GPBP1: variants seen among roughly 807,000 people sequenced by gnomAD.
The protein encoded by GPBP1 is vasculin.
A neutral mutation model predicts 56.5 loss-of-function variants in GPBP1; 13 were observed. The observed-to-expected ratio is 0.23, with a 90% CI of 0.15 to 0.37. The LOEUF (loss-of-function observed/expected upper bound fraction) is 0.37, where lower values mean the gene tolerates loss of function less well. GPBP1 is among the 10% of genes least tolerant of loss of function. GPBP1 has a pLI of 1.00. For synonymous variants in GPBP1, 204 were observed against 188.9 expected (o/e 1.08, Z -0.66); for missense variants, 477 against 572.3 (o/e 0.83, Z 1.70).
Position 57,182,264 on chromosome 5 carries a change from A to G in GPBP1, c.-58+5864A>G, listed in dbSNP as rs149829465. Among the ~76,000 whole-genome samples, 18 of 151,898 alleles carry G rather than the reference A, an allele frequency of 1.2e-4. No homozygotes were observed. In the East Asian group the frequency reaches 3.3e-3, roughly 28 times the overall value. Reference sequence around the variant, plus strand: ...AGGCCTGGCTAAGTTTTGTATTTTTAGTAGAGATGGGGTTTCACCATGTTG... The same window carrying G: ...AGGCCTGGCTAAGTTTTGTATTTTTGGTAGAGATGGGGTTTCACCATGTTG... On this transcript the variant is annotated intron_variant, in intron 2 of 11. Transcript: ENST00000506184.
intron 10 of GPBP1, among the ~76,000 whole-genome samples, chr5:57,258,557 A>G (rs892237257): frequency 6.6e-6 from 1 of 152,236 alleles, no homozygotes; most frequent in Non-Finnish European, 1.5e-5. Flanking sequence ...ATTATGCATC[A>G]TATGTGCGGT....
Position 57,231,301 on chromosome 5 carries a change from C to G in GPBP1, c.391C>G (p.Gln131Glu). The change falls in exon 5 of 12, where the codon CAG becomes GAG. Residue 131 changes from glutamine (Q) to glutamate (E), a missense_variant. Transcript: ENST00000506184. ...GRKEDKRERK[Q>E]FEAEDFPSLN... ...GAAAGAAGACAAGAGAGAACGCAAA[C>G]AGTTTGAAGCTGAGGATTTTGTAAG... The G allele has an allele frequency of 6.2e-7, 1 of 1,612,516 alleles. No individual in the cohort carries two copies. The highest frequency in any genetic ancestry group is 1.1e-5 in the South Asian group (1 of 90,828).
intron 6 of GPBP1, chr5:57,237,554 A>G (rs1035113725): frequency 2.3e-5 from 4 of 176,900 alleles, no homozygotes; most frequent in African/African-American, 9.5e-5. Flanking sequence ...AGGTAAACTA[A>G]GAAATGTGTC....
intron 2 of GPBP1, among the ~76,000 whole-genome samples, chr5:57,213,544 T>G (rs1263361770): frequency 6.6e-6 from 1 of 152,184 alleles, no homozygotes; most frequent in Non-Finnish European, 1.5e-5. Context: ...AGCCACTATT[T>G]GTCGTAGAAA....
chr5:57,213,145 C>T (rs986866629), intron 2 of GPBP1, among the ~76,000 whole-genome samples: 2 of 151,980 alleles, frequency 1.3e-5, no homozygotes, highest in African/African-American at 4.8e-5. Context: ...CCTCTGTCTC[C>T]CAGGTTCAAG....
chr5:57,221,301 CTT>C, intron 3 of GPBP1: 1 of 1,031,646 alleles, frequency 9.7e-7, no homozygotes, highest in Admixed American at 2.6e-5. Context: ...CTAGTTTTTT[CTT>C]TTGTGATTTT....
intron 3 of GPBP1, among the ~76,000 whole-genome samples, chr5:57,229,468 A>G (rs1231403216): frequency 1.3e-5 from 2 of 151,640 alleles, no homozygotes; most frequent in African/African-American, 4.8e-5. Context: ...ATTGATTTAT[A>G]GAGCTCTATT....
intron 2 of GPBP1, among the ~76,000 whole-genome samples, chr5:57,186,059 G>T (rs1754272652): frequency 6.6e-6 from 1 of 152,032 alleles, no homozygotes; most frequent in South Asian, 2.1e-4. Flanking sequence ...ACTGTGGTTT[G>T]TTTTCATTTT....
intron 3 of GPBP1, among the ~76,000 whole-genome samples, chr5:57,226,776 A>G (rs1347965586): frequency 4.0e-5 from 4 of 100,078 alleles, no homozygotes; most frequent in South Asian, 2.9e-4. Flanking sequence ...ATTTCGCTCT[A>G]TTGCCCAGGC....
intron 2 of GPBP1, among the ~76,000 whole-genome samples, chr5:57,192,276 G>A (rs1296149504): frequency 1.3e-5 from 2 of 152,046 alleles, no homozygotes; most frequent in Admixed American, 1.3e-4. Context: ...TTTCTATTAA[G>A]TACTTCCTGT....
intron 2 of GPBP1, among the ~76,000 whole-genome samples, chr5:57,191,687 G>A (rs1030493662): frequency 6.6e-6 from 1 of 151,696 alleles, no homozygotes; most frequent in Non-Finnish European, 1.5e-5. Context: ...TCAGCCTCCC[G>A]AGTAGCTGGG....
intron 6 of GPBP1, among the ~76,000 whole-genome samples, chr5:57,243,152 C>T (rs1159279215): frequency 6.6e-6 from 1 of 151,888 alleles, no homozygotes; most frequent in African/African-American, 2.4e-5. Flanking sequence ...ACTGCAACCT[C>T]CACCTCCCGG....
chr5:57,248,339 A>C (rs1741188317), intron 8 of GPBP1, among the ~76,000 whole-genome samples: 1 of 151,560 alleles, frequency 6.6e-6, no homozygotes, highest in South Asian at 2.1e-4. Flanking sequence ...TGACCAGTCT[A>C]GTGTCAAAGG....
intron 8 of GPBP1, among the ~76,000 whole-genome samples, chr5:57,248,419 ATTTTTTT>A (rs70999069): frequency 2.0e-5 from 2 of 99,350 alleles, no homozygotes; most frequent in Non-Finnish European, 3.7e-5. Context: ...CTCATATACT[ATTTTTTT>A]TTTTTTTTTT....
In GPBP1 at chr5:57,230,920, A is replaced by G. The variant is rs570392144; in HGVS notation, c.138A>G (p.Arg46=). 4.3e-6 allele frequency: 7 copies of G among 1,612,714 alleles called. No homozygotes were observed. Among genetic ancestry groups the G allele is most frequent in the South Asian group, 1.1e-5 (1 of 90,456 alleles). The change falls in exon 4 of 12, where the codon CGA becomes CGG. Residue 46 remains arginine (R), a synonymous_variant. Coordinates refer to ENST00000506184, the MANE Select transcript of GPBP1 (RefSeq NM_022913.4). ...ATCGTTATGATGTGAACCGTCGACG[A>G]CACAACTCTTCAGATGGCTTTGATT... The part of the protein sequence containing the change: ...TENRYDVNRR[R]HNSSDGFDSA...
At chr5:57,191,849 C>CA (rs1251320283) in intron 2 of GPBP1, among the ~76,000 whole-genome samples, 42 of 152,286 alleles carry the variant, frequency 2.8e-4, no homozygotes, top group East Asian at 3.9e-4. Flanking sequence ...CGTGAGCCAC[C>CA]ACGCCGGCCT....
chr5:57,243,723 T>C (rs1229294831), intron 6 of GPBP1, among the ~76,000 whole-genome samples: 1 of 151,520 alleles, frequency 6.6e-6, no homozygotes, highest in African/African-American at 2.4e-5. Flanking sequence ...GGTCCCACTC[T>C]GTGGCCCAGA....
chr5:57,227,047 T>TTTGAAA (rs1236315642), intron 3 of GPBP1, among the ~76,000 whole-genome samples: 1 of 151,236 alleles, frequency 6.6e-6, no homozygotes, highest in Non-Finnish European at 1.5e-5. Flanking sequence ...CCTGTATTCT[T>TTTGAAA]TTGAAATTAT....
rs1741101716 is a variant in GPBP1 at position 57,246,599 on chromosome 5, G to C, written c.663+115G>C. On this transcript the variant is annotated intron_variant, in intron 7 of 11. Transcript: ENST00000506184. Reference sequence around the variant, plus strand: ...ATGGAGGTACTTCGTGGGGTGCTGAGTTCTAGGTGGCAAGAGTTGACCCAT... The same window carrying C: ...ATGGAGGTACTTCGTGGGGTGCTGACTTCTAGGTGGCAAGAGTTGACCCAT... 1.2e-5 allele frequency: 9 copies of C among 743,640 alleles called. No individual in the cohort carries two copies. The South Asian group carries it at 1.7e-4, about 14-fold the overall frequency. The allele number at this position is 743,640 out of a possible 1,614,324, so 46.1% of individuals were successfully genotyped here.
Sources: gnomAD v4.1 joint callset for allele counts (sites outside exome capture counted in the v4.1 genomes callset) on GRCh38, gnomAD v4.1.1 for gene constraint, MANE v1.5 for transcripts, NCBI Gene and HGNC (gene_info 2026-07-23, HGNC 2026-07-21) for gene names.